Variants in PHLPP2 observed in about 807,000 individuals in gnomAD.
PHLPP2 encodes PH domain leucine-rich repeat-containing protein phosphatase 2.
Under a neutral mutation model 124.9 loss-of-function variants are expected in PHLPP2, and 66 were observed. The ratio of observed to expected loss-of-function variants is 0.53; its 90% CI spans 0.43 to 0.65. The LOEUF is 0.65. PHLPP2 is among the 30% of genes least tolerant of loss of function. PHLPP2 has a pLI of 0.00. For missense variants in PHLPP2, 1,685 were observed against 1,600.4 expected, an observed-to-expected ratio of 1.05 and a Z score of -0.90; for synonymous variants, 681 against 624.7, an observed-to-expected ratio of 1.09 and a Z score of -1.34.
At chr16:71,681,543 C>A (rs1035808538) in intron 6 of PHLPP2, among the ~76,000 whole-genome samples, 13 of 152,162 alleles carry the variant, frequency 8.5e-5, no homozygotes, top group African/African-American at 3.1e-4. Context: ...CCCAGATCAA[C>A]AGAAGCTCAC....
At position 71,648,666 on chromosome 16, in the gene PHLPP2, G is replaced by A. The variant is rs2044670218; in HGVS notation, c.*224C>T. On this transcript the variant is annotated 3_prime_UTR_variant, in exon 19 of 19. Transcript: ENST00000568954. The stretch of plus-strand genomic sequence containing the variant: ...AGGTGCCTGTAATCCCAGCTACTCG[G>A]GAGGCTGAGACAGGAGAATGGCTTG... The A allele has an allele frequency of 1.9e-6, 1 of 515,426 alleles. No individual in the cohort carries two copies. Among genetic ancestry groups the A allele is most frequent in the Admixed American group, 3.3e-5 (1 of 30,436 alleles). 31.9% of individuals were successfully genotyped at this position (515,426 alleles called of 1,614,324 possible). A position where few individuals can be genotyped will look rare whatever the true frequency, so the allele number is the denominator to read the frequency against.
At position 71,678,815 on chromosome 16, in the gene PHLPP2, A is replaced by G; in HGVS notation, c.1208T>C (p.Leu403Pro). 6.2e-7 allele frequency: 1 copy of G among 1,612,686 alleles called. No individual in the cohort carries two copies. Among genetic ancestry groups the G allele is most frequent in the Non-Finnish European group, 8.5e-7 (1 of 1,178,646 alleles). ...LDRVVMAGNC[L>P]EVLNLGVLNR... is the part of the protein sequence containing the mutation. ...CAGCACCCCTAAGTTCAGGACTTCCAGGCAATTTCCTGCCATAACCACTCT... is the reference window on the plus strand; with the variant it reads ...CAGCACCCCTAAGTTCAGGACTTCCGGGCAATTTCCTGCCATAACCACTCT... The change falls in exon 8 of 19, where the codon CTG (leucine) becomes CCG (proline). Residue 403 changes from leucine to proline, a missense_variant. Physicochemically the swap from Leu to Pro is moderately conservative, Grantham distance 98. Coordinates refer to ENST00000568954, the MANE Select transcript of PHLPP2 (RefSeq NM_015020.3).
chr16:71,673,178 G>A lies in PHLPP2; in HGVS notation c.1472-856C>T, dbSNP rs1029832981. Among the ~76,000 whole-genome samples, 8 of 152,112 alleles carry A rather than the reference G, an allele frequency of 5.3e-5. No individual in the cohort carries two copies. In the East Asian group the frequency reaches 7.7e-4, roughly 15 times the overall value. ...AGTACTTCTGTGAACATATTTGTCC[G>A]TGTCTTTTGTGGACTAATATAAGTC... On this transcript the variant is annotated intron_variant, in intron 9 of 18. Coordinates refer to ENST00000568954, the MANE Select transcript of PHLPP2 (RefSeq NM_015020.3).
intron 8 of PHLPP2, 96 bp downstream of exon 8, chr16:71,678,659 A>T (rs1345459252): frequency 8.1e-6 from 6 of 738,330 alleles, no homozygotes; most frequent in Non-Finnish European, 1.4e-5. Flanking sequence ...ACAAAATTTT[A>T]AAAACCCTAA....
chr16:71,694,292 T>C (rs1173801621), intron 3 of PHLPP2, among the ~76,000 whole-genome samples: 2 of 151,046 alleles, frequency 1.3e-5, no homozygotes, highest in African/African-American at 2.4e-5. Context: ...TGAAATCCCA[T>C]CTCTACTAAA....
chr16:71,680,468 T>C (rs1462580741), intron 6 of PHLPP2, among the ~76,000 whole-genome samples: 1 of 152,238 alleles, frequency 6.6e-6, no homozygotes, highest in African/African-American at 2.4e-5. Context: ...TATATTGTCT[T>C]ACCCAGAGAT....
intron 4 of PHLPP2, 113 bp from the exon 5 acceptor site, chr16:71,684,714 T>C (rs1482695782): frequency 2.0e-6 from 2 of 1,023,906 alleles, no homozygotes; most frequent in East Asian, 5.3e-5. Context: ...TTATTTTTTA[T>C]TTTTTCTCTC....
intron 4 of PHLPP2, among the ~76,000 whole-genome samples, chr16:71,686,815 C>T (rs1055167416): frequency 1.3e-5 from 2 of 149,748 alleles, no homozygotes; most frequent in Admixed American, 6.7e-5. Flanking sequence ...ATAGATATAT[C>T]ACATTTGTTT....
At chr16:71,655,595 C>G (rs945861653) in intron 16 of PHLPP2, among the ~76,000 whole-genome samples, 161 bp from the exon 17 acceptor site, 1 of 151,634 alleles carries the variant, frequency 6.6e-6, no homozygotes, top group Admixed American at 6.6e-5. Flanking sequence ...CTCCACCTCC[C>G]AGGTTCACGC....
intron 4 of PHLPP2, among the ~76,000 whole-genome samples, chr16:71,685,882 A>G (rs1419269911): frequency 1.3e-5 from 2 of 152,232 alleles, no homozygotes; most frequent in African/African-American, 2.4e-5. Flanking sequence ...TGTTACATAT[A>G]TATAACTTTG....
chr16:71,650,984 T>C (rs1357775971), intron 18 of PHLPP2, among the ~76,000 whole-genome samples: 1 of 152,218 alleles, frequency 6.6e-6, no homozygotes, highest in Non-Finnish European at 1.5e-5. Flanking sequence ...AAACAATAAA[T>C]GCTTGTGGCT....
At chr16:71,672,894 G>A (rs2044907674) in intron 9 of PHLPP2, among the ~76,000 whole-genome samples, 1 of 152,144 alleles carries the variant, frequency 6.6e-6, no homozygotes, top group Non-Finnish European at 1.5e-5. Flanking sequence ...GCCTATCTAT[G>A]TAAACATATG....
At chr16:71,677,868 A>G (rs2044961606) in intron 8 of PHLPP2, 1 of 152,222 alleles carries the variant, frequency 6.6e-6, no homozygotes, top group African/African-American at 2.4e-5. Context: ...ATGGAAATCT[A>G]CAAACTACTA....
At chr16:71,707,240 C>T (rs2045282312) in intron 2 of PHLPP2, among the ~76,000 whole-genome samples, 1 of 152,054 alleles carries the variant, frequency 6.6e-6, no homozygotes, top group Non-Finnish European at 1.5e-5. Flanking sequence ...CAGGAGTGAG[C>T]CACCGCGCCC....
intron 4 of PHLPP2, among the ~76,000 whole-genome samples, chr16:71,690,057 A>T (rs902288119): frequency 6.6e-6 from 1 of 152,014 alleles, no homozygotes; most frequent in Non-Finnish European, 1.5e-5. Context: ...TAACAAGTGA[A>T]CTCCTTTCCT....
At chr16:71,696,473 C>T (rs1199047730) in intron 3 of PHLPP2, among the ~76,000 whole-genome samples, 1 of 151,994 alleles carries the variant, frequency 6.6e-6, no homozygotes, top group East Asian at 1.9e-4. Flanking sequence ...CCTGTCTCTA[C>T]TAAAAATACA....
chr16:71,709,506 C>A (rs2045309909), intron 2 of PHLPP2, among the ~76,000 whole-genome samples: 1 of 152,222 alleles, frequency 6.6e-6, no homozygotes, highest in Non-Finnish European at 1.5e-5. Context: ...ATATGACCAT[C>A]AGCCAAAGGG....
intron 7 of PHLPP2, 24 bp from the exon 8 acceptor site, chr16:71,679,009 T>C (rs2044972841): frequency 3.8e-6 from 5 of 1,302,310 alleles, no homozygotes; most frequent in Non-Finnish European, 5.5e-6. Flanking sequence ...ACAAAACAAG[T>C]CTACTTTATG....
At chr16:71,654,253 A>G (rs2044723851) in intron 17 of PHLPP2, among the ~76,000 whole-genome samples, 1 of 149,638 alleles carries the variant, frequency 6.7e-6, no homozygotes, top group Admixed American at 6.7e-5. Context: ...AAGCTGTTCC[A>G]TTTCAACCTG....
Sources: gnomAD v4.1 joint callset for allele counts (sites outside exome capture counted in the v4.1 genomes callset) on GRCh38, gnomAD v4.1.1 for gene constraint, MANE v1.5 for transcripts, NCBI Gene and HGNC (gene_info 2026-07-23, HGNC 2026-07-21) for gene names.